MAP3K21: variants seen among roughly 807,000 people sequenced by gnomAD.
MAP3K21 encodes the protein mitogen-activated protein kinase kinase kinase 21, also known as mitogen-activated protein kinase kinase kinase MLK4.
A neutral mutation model predicts 86.1 loss-of-function variants in MAP3K21; 63 were observed. That is an observed-to-expected ratio of 0.73 (90% confidence interval 0.60 to 0.90). MAP3K21 has a LOEUF of 0.90. MAP3K21 is among the 40% of genes least tolerant of loss of function. The pLI is 0.00. For synonymous variants in MAP3K21, 558 were observed against 564.8 expected (o/e 0.99, Z 0.17); for missense variants, 1,220 against 1,367.7 (o/e 0.89, Z 1.70).
Position 233,327,786 on chromosome 1 carries a change from A to C in MAP3K21, c.-243A>C, listed in dbSNP as rs1013050404. On this transcript the variant is annotated 5_prime_UTR_variant, in exon 1 of 10. The change abolishes an upstream ATG in the 5' untranslated region. Coordinates refer to ENST00000366624, the MANE Select transcript of MAP3K21 (RefSeq NM_032435.3). ...CCGGCCGCAGGGCCTGGGCACGACC[A>C]TGGTGGGACGTCGCCCGCGGCTTCG... is the stretch of plus-strand genomic sequence containing the variant. 2.3e-5 allele frequency: 7 copies of C among 310,140 alleles called. No individual in the cohort carries two copies. The highest frequency in any genetic ancestry group is 5.3e-5 in the East Asian group (1 of 18,906). 19.2% of individuals were successfully genotyped at this position (310,140 alleles called of 1,614,324 possible). A position where few individuals can be genotyped will look rare whatever the true frequency, so the allele number is the denominator to read the frequency against.
chr1:233,354,892 T>C lies in MAP3K21; in HGVS notation c.1192T>C (p.Leu398=). 2.5e-6 allele frequency: 4 copies of C among 1,614,066 alleles called. No homozygotes were observed. In the African/African-American group the frequency reaches 4.0e-5, roughly 16 times the overall value. The change falls in exon 4 of 10, where the codon TTG becomes CTG. Residue 398 remains leucine (L), a synonymous_variant. Coordinates refer to ENST00000366624, the MANE Select transcript of MAP3K21 (RefSeq NM_032435.3). The part of the protein sequence containing the change: ...RPSFALILEQ[L]TAIEGAVMTE... ...ATCGTTTGCCTTAATTCTCGAACAGTTGACTGCTATTGAAGGGGCAGTGAT... is the reference window on the plus strand; with the variant it reads ...ATCGTTTGCCTTAATTCTCGAACAGCTGACTGCTATTGAAGGGGCAGTGAT...
At chr1:233,364,386 C>T (rs1572252159) in intron 5 of MAP3K21, among the ~76,000 whole-genome samples, 1 of 152,140 alleles carries the variant, frequency 6.6e-6, no homozygotes, top group South Asian at 2.1e-4. Context: ...CAGTTTTCTT[C>T]TAGCTGTGAT....
rs202226723 is a variant in MAP3K21 at position 233,374,948 on chromosome 1, C to CT, written c.1676-960dup. Among the ~76,000 whole-genome samples the CT allele has an allele frequency of 8.2e-3, 1,226 of 150,260 alleles. 17 individuals carry two copies. The highest frequency in any genetic ancestry group is 0.027 in the African/African-American group (1,109 of 40,760). Reference sequence around the variant, plus strand: ...ATTTTCCCCAGTGATTTCCAAATCCCTTTTTTTTGTTGAAACGGAGTCTTG... The same window carrying CT: ...ATTTTCCCCAGTGATTTCCAAATCCCTTTTTTTTTGTTGAAACGGAGTCTTG... On this transcript the variant is annotated intron_variant, in intron 6 of 9. Coordinates refer to ENST00000366624, the MANE Select transcript of MAP3K21 (RefSeq NM_032435.3).
chr1:233,362,245 AG>A lies in MAP3K21; in HGVS notation c.1505del (p.Arg502LysfsTer4). 6.2e-7 allele frequency: 1 copy of A among 1,614,236 alleles called. No homozygotes were observed. The highest frequency in any genetic ancestry group is 8.5e-7 in the Non-Finnish European group (1 of 1,180,040). On this transcript the variant is annotated frameshift_variant, in exon 5 of 10. Transcript: ENST00000366624. LOFTEE classifies it high-confidence loss of function. ...KVKKRKGKFK[R>X]SRLKLKDGHR... The stretch of plus-strand genomic sequence containing the variant: ...AAAGAAGAGGAAGGGCAAGTTTAAG[AG>A]AAGTCGTTTAAAGCTCAAAGATGGA...
At chr1:233,335,958 C>T (rs2102758499) in intron 1 of MAP3K21, among the ~76,000 whole-genome samples, 1 of 152,282 alleles carries the variant, frequency 6.6e-6, no homozygotes, top group East Asian at 1.9e-4. Context: ...TCTGCATTCA[C>T]ACTGTCACCA....
At chr1:233,339,601 C>A (rs1162752043) in intron 1 of MAP3K21, among the ~76,000 whole-genome samples, 2 of 151,836 alleles carry the variant, frequency 1.3e-5, no homozygotes, top group Non-Finnish European at 2.9e-5. Context: ...CTACCTCAGC[C>A]TCCCAAATAG....
intron 1 of MAP3K21, among the ~76,000 whole-genome samples, chr1:233,338,829 T>G (rs972266544): frequency 6.6e-6 from 1 of 152,134 alleles, no homozygotes; most frequent in Non-Finnish European, 1.5e-5. Flanking sequence ...ATTTACATAT[T>G]AACAGGACTA....
At chr1:233,345,940 A>G (rs1663131931) in intron 1 of MAP3K21, among the ~76,000 whole-genome samples, 1 of 152,166 alleles carries the variant, frequency 6.6e-6, no homozygotes, top group Admixed American at 6.6e-5. Context: ...GAGCTCCAGT[A>G]AAGCAATTAT....
At chr1:233,376,095 T>C in intron 7 of MAP3K21, 29 bp downstream of exon 7, 1 of 1,563,328 alleles carries the variant, frequency 6.4e-7, no homozygotes, top group South Asian at 1.2e-5. Flanking sequence ...GTGGTATTCA[T>C]TGTGTAATAT....
At chr1:233,372,391 T>C in intron 6 of MAP3K21, 2 of 458,358 alleles carry the variant, frequency 4.4e-6, no homozygotes, top group East Asian at 3.2e-5. Context: ...TGATGCGACC[T>C]GGCCCCGGAG....
chr1:233,361,193 T>A (rs1326919094), intron 4 of MAP3K21, among the ~76,000 whole-genome samples: 1 of 152,240 alleles, frequency 6.6e-6, no homozygotes, highest in Non-Finnish European at 1.5e-5. Flanking sequence ...GTTTTACTGT[T>A]TAATAATTTT....
chr1:233,339,386 T>TCTTCTCCTC (rs1558451278), intron 1 of MAP3K21, among the ~76,000 whole-genome samples: 1 of 70,542 alleles, frequency 1.4e-5, no homozygotes, highest in Non-Finnish European at 2.6e-5. Context: ...TTCTTCTCCT[T>TCTTCTCCTC]CTTCTCCTCC....
chr1:233,371,777 G>GTGTGTGTGTGTT (rs1558461902), intron 5 of MAP3K21, among the ~76,000 whole-genome samples: 1 of 140,228 alleles, frequency 7.1e-6, no homozygotes, highest in African/African-American at 2.6e-5. Flanking sequence ...GTGTGTGTGT[G>GTGTGTGTGTGTT]TGTGTGTATG....
rs1311997258 is a variant in MAP3K21, at chr1:233,384,707, ATG to A, written c.*2002_*2003del. On this transcript the variant is annotated 3_prime_UTR_variant, in exon 10 of 10. Coordinates refer to ENST00000366624, the MANE Select transcript of MAP3K21 (RefSeq NM_032435.3). ...TGTGTGTGTGCATGCATATTAGTAAATGTGTGTTTGCATGTGTGTGTTGGGGA... is the reference window on the plus strand; with the variant it reads ...TGTGTGTGTGCATGCATATTAGTAAATGTGTTTGCATGTGTGTGTTGGGGA... 1 of 151,948 alleles carries A rather than the reference ATG, an allele frequency of 6.6e-6. No homozygotes were observed. The highest frequency in any genetic ancestry group is 1.5e-5 in the Non-Finnish European group (1 of 67,964). 9.4% of individuals were successfully genotyped at this position (151,948 alleles called of 1,614,324 possible). A position where few individuals can be genotyped will look rare whatever the true frequency, so the allele number is the denominator to read the frequency against.
At chr1:233,366,416 CATT>C (rs1663574781) in intron 5 of MAP3K21, among the ~76,000 whole-genome samples, 1 of 152,090 alleles carries the variant, frequency 6.6e-6, no homozygotes, top group Non-Finnish European at 1.5e-5. Context: ...CTGACTTGAT[CATT>C]ATATATTGTA....
chr1:233,376,213 T>A (rs887228423), intron 7 of MAP3K21, 147 bp downstream of exon 7: 1 of 770,124 alleles, frequency 1.3e-6, no homozygotes, highest in Non-Finnish European at 2.1e-6. Flanking sequence ...GAATTTATCA[T>A]GCTAAATTAA....
intron 5 of MAP3K21, among the ~76,000 whole-genome samples, chr1:233,362,895 G>T (rs1206455583): frequency 2.0e-5 from 3 of 152,012 alleles, no homozygotes; most frequent in African/African-American, 7.2e-5. Flanking sequence ...TAATGTGTTA[G>T]GAGAAACTAA....
intron 2 of MAP3K21, among the ~76,000 whole-genome samples, chr1:233,346,919 A>C (rs764643522): frequency 6.6e-6 from 1 of 152,218 alleles, no homozygotes; most frequent in Non-Finnish European, 1.5e-5. Flanking sequence ...CAGTAAATTA[A>C]AGTGAATTTT....
At chr1:233,339,350 C>CCT (rs1662986363) in intron 1 of MAP3K21, among the ~76,000 whole-genome samples, 6 of 80,954 alleles carry the variant, frequency 7.4e-5, no homozygotes, top group South Asian at 4.6e-4. Context: ...TCCCTCTTCT[C>CCT]CCTCTTCTCC....
Sources: gnomAD v4.1 joint callset for allele counts (sites outside exome capture counted in the v4.1 genomes callset) on GRCh38, gnomAD v4.1.1 for gene constraint, MANE v1.5 for transcripts, NCBI Gene and HGNC (gene_info 2026-07-23, HGNC 2026-07-21) for gene names.